Variants in ZNF91 observed in about 807,000 individuals in gnomAD.
ZNF91 encodes the protein zinc finger protein 91.
In ZNF91, 7 loss-of-function variants were observed where a neutral mutation model predicts 12.6. That is an observed-to-expected ratio of 0.55 (90% CI 0.31 to 1.04). The LOEUF (loss-of-function observed/expected upper bound fraction) is 1.04. ZNF91 is among the 50% of genes least tolerant of loss of function. The pLI, the probability that ZNF91 is intolerant of heterozygous loss-of-function variation, is 0.05. For synonymous variants in ZNF91, 453 were observed against 462.6 expected (o/e 0.98, Z 0.27); for missense variants, 1,217 against 1,385.4 (o/e 0.88, Z 1.93).
intron 3 of ZNF91, among the ~76,000 whole-genome samples, chr19:23,363,289 T>A (rs1441004153): frequency 6.6e-6 from 1 of 152,220 alleles, no homozygotes; most frequent in Non-Finnish European, 1.5e-5. Context: ...TTCCTGACAC[T>A]GATTTCCCTC....
downstream of ZNF91, among the ~76,000 whole-genome samples, chr19:23,353,022 T>C (rs867855444): frequency 1.3e-5 from 2 of 152,128 alleles, no homozygotes; most frequent in East Asian, 3.9e-4. Context: ...CAAACTTCAA[T>C]ACTCCACTGA....
At chr19:23,334,475 TAGA>T (rs1175602815), downstream of ZNF91, among the ~76,000 whole-genome samples, 1 of 152,218 alleles carries the variant, frequency 6.6e-6, no homozygotes, top group Admixed American at 6.5e-5. Flanking sequence ...CCCTTTTTGA[TAGA>T]ATACATTTTC....
At chr19:23,335,995 T>C (rs1379234243), downstream of ZNF91, among the ~76,000 whole-genome samples, 1 of 152,178 alleles carries the variant, frequency 6.6e-6, no homozygotes, top group African/African-American at 2.4e-5. Context: ...ATTAAACTCT[T>C]CATAAATGAT....
chr19:23,353,833 C>T (rs1968424309), downstream of ZNF91, among the ~76,000 whole-genome samples: 3 of 152,136 alleles, frequency 2.0e-5, no homozygotes, highest in Admixed American at 6.5e-5. Flanking sequence ...CACACATAAA[C>T]TAGAAAACCT....
At chr19:23,391,759 C>A (rs952343584) in intron 1 of ZNF91, among the ~76,000 whole-genome samples, 4 of 152,062 alleles carry the variant, frequency 2.6e-5, no homozygotes, top group African/African-American at 9.7e-5. Flanking sequence ...GGGCTTCTTC[C>A]ATAGCTGAGG....
chr19:23,357,222 G>A (rs1364997805), downstream of ZNF91, among the ~76,000 whole-genome samples: 1 of 145,074 alleles, frequency 6.9e-6, no homozygotes, highest in East Asian at 2.2e-4. Flanking sequence ...TTAAGACTCT[G>A]TCTCAAAAAC....
rs543004148 is a variant in ZNF91, at chr19:23,391,795, G to C, written c.30+3530C>G. ...TGAGCAAGCTGGGACATCTGCAGGG[G>C]AGGCTCCCCAGAAGGAACTAAGTGG... On this transcript the variant is annotated intron_variant, in intron 1 of 3. Coordinates refer to ENST00000300619, the MANE Select transcript of ZNF91 (RefSeq NM_003430.4). Among the ~76,000 whole-genome samples the C allele has an allele frequency of 5.0e-4, 76 of 152,190 alleles. No individual in the cohort carries two copies. The South Asian group carries it at 0.012, about 23-fold the overall frequency.
intron 1 of ZNF91, among the ~76,000 whole-genome samples, chr19:23,391,360 A>G (rs1274403731): frequency 6.6e-6 from 1 of 152,162 alleles, no homozygotes; most frequent in Non-Finnish European, 1.5e-5. Flanking sequence ...CTGAGCCACC[A>G]TACAACCCCA....
chr19:23,320,287 C>G (rs1967661070), intron 1 of ZNF91, among the ~76,000 whole-genome samples: 1 of 152,190 alleles, frequency 6.6e-6, no homozygotes, highest in Admixed American at 6.5e-5. Context: ...TGAGCTTAGA[C>G]TGACACGTAC....
At chr19:23,330,462 C>T (rs1967909889) in intron 1 of ZNF91, among the ~76,000 whole-genome samples, 1 of 152,206 alleles carries the variant, frequency 6.6e-6, no homozygotes, top group Non-Finnish European at 1.5e-5. Context: ...AGGTGAGCCC[C>T]ACTGTGCTCC....
In ZNF91 at chr19:23,360,068, A is replaced by G. The variant is rs1183373159; in HGVS notation, c.2911T>C (p.Cys971Arg). 11 of 1,613,284 alleles carry G rather than the reference A, an allele frequency of 6.8e-6. No individual in the cohort carries two copies. Among genetic ancestry groups the G allele is most frequent in the Admixed American group, 1.7e-5 (1 of 60,000 alleles). The stretch of plus-strand genomic sequence containing the variant: ...GAAGATTTCCTAAAAGCTTTGCCAC[A>G]TTCTTCACATTTGTAGGGTTTCTCT... ...TGEKPYKCEE[C>R]GKAFRKSSTL... Residue 971 changes from cysteine (C) to arginine (R), a missense_variant, in exon 4 of 4, where the codon TGT (cysteine) becomes CGT (arginine). By Grantham distance (180) the Cys-to-Arg change is radical. Coordinates refer to ENST00000300619, the MANE Select transcript of ZNF91 (RefSeq NM_003430.4).
intron 1 of ZNF91, among the ~76,000 whole-genome samples, chr19:23,377,786 T>C (rs1300169920): frequency 6.6e-6 from 1 of 152,238 alleles, no homozygotes; most frequent in Non-Finnish European, 1.5e-5. Flanking sequence ...CATGTACTAA[T>C]GCAATGTTTA....
downstream of ZNF91, among the ~76,000 whole-genome samples, chr19:23,355,316 A>C (rs1968458270): frequency 6.6e-6 from 1 of 152,164 alleles, no homozygotes; most frequent in African/African-American, 2.4e-5. Context: ...ATTACAGCCA[A>C]GCAATCTTCA....
chr19:23,367,854 C>A (rs1407059610), intron 3 of ZNF91, among the ~76,000 whole-genome samples: 1 of 152,078 alleles, frequency 6.6e-6, no homozygotes, highest in Non-Finnish European at 1.5e-5. Flanking sequence ...TTTCCTTAAA[C>A]CATATGTGAA....
intron 3 of ZNF91, chr19:23,342,357 A>G (rs1291172638): frequency 5.8e-6 from 2 of 341,908 alleles, no homozygotes; most frequent in Non-Finnish European, 1.1e-5. Flanking sequence ...ATATTATGAA[A>G]GATTCTAGAA....
chr19:23,393,994 T>C (rs982293110), intron 1 of ZNF91, among the ~76,000 whole-genome samples: 6 of 152,130 alleles, frequency 3.9e-5, no homozygotes, highest in Admixed American at 1.3e-4. Flanking sequence ...CAAGGCTCTG[T>C]CTCAAAAATT....
chr19:23,342,257 C>G (rs777222837), intron 3 of ZNF91: 8 of 474,798 alleles, frequency 1.7e-5, no homozygotes, highest in African/African-American at 3.9e-5. Flanking sequence ...GAGTTAGAGA[C>G]AGCAAGGCCT....
chr19:23,342,253 G>T, intron 3 of ZNF91: 1 of 490,228 alleles, frequency 2.0e-6, no homozygotes, highest in South Asian at 3.5e-5. Context: ...ATCAGAGTTA[G>T]AGACAGCAAG....
chr19:23,323,351 CCCT>C (rs1242978182), intron 1 of ZNF91, among the ~76,000 whole-genome samples: 8 of 136,842 alleles, frequency 5.8e-5, no homozygotes, highest in South Asian at 2.5e-4. Context: ...CCTCCTCTCC[CCCT>C]CCTTTCCTCC....
Sources: gnomAD v4.1 joint callset for allele counts (sites outside exome capture counted in the v4.1 genomes callset) on GRCh38, gnomAD v4.1.1 for gene constraint, MANE v1.5 for transcripts, NCBI Gene and HGNC (gene_info 2026-07-23, HGNC 2026-07-21) for gene names.